The following WAPL variants were observed in gnomAD, a reference collection of about 807,000 sequenced individuals.
The protein encoded by WAPL is WAPL cohesin release factor, also known as wings apart-like protein homolog.
Under a neutral mutation model 121.0 loss-of-function variants are expected in WAPL, and 5 were observed. The observed-to-expected ratio is 0.04, with a 90% CI of 0.02 to 0.09. WAPL has a LOEUF of 0.09. Among genes scored for constraint, WAPL ranks in the 10% least tolerant of loss-of-function variants. The probability of loss-of-function intolerance (pLI) is 1.00; values close to 1 mark genes in which losing one functional copy is unlikely to be tolerated. For synonymous variants in WAPL, 480 were observed against 481.5 expected (o/e 1.00, Z 0.04); for missense variants, 999 against 1,410.8 (o/e 0.71, Z 4.68).
chr10:86,483,931 C>T (rs1589521832), intron 4 of WAPL, among the ~76,000 whole-genome samples: 2 of 151,132 alleles, frequency 1.3e-5, no homozygotes, highest in Non-Finnish European at 2.9e-5. Context: ...GTTGGCCAGA[C>T]TGGCCTCAAA....
intron 4 of WAPL, among the ~76,000 whole-genome samples, chr10:86,483,518 T>C (rs1045367299): frequency 6.6e-6 from 1 of 152,182 alleles, no homozygotes; most frequent in Non-Finnish European, 1.5e-5. Context: ...TTTATGTATT[T>C]ACTATATTTT....
In WAPL at chr10:86,440,731, G is replaced by A. The variant is rs184885968; in HGVS notation, c.3411+2544C>T. Among the ~76,000 whole-genome samples the A allele has an allele frequency of 1.9e-4, 29 of 152,196 alleles. No homozygotes were observed. The East Asian group carries it at 4.2e-3, about 22-fold the overall frequency. On this transcript the variant is annotated intron_variant, in intron 17 of 18. Coordinates refer to ENST00000298767, the MANE Select transcript of WAPL (RefSeq NM_015045.5). Reference sequence around the variant, plus strand: ...GATCTTGCGGGGCCTCCAGAGCCACGATGAGAACTTTGGTCTTGATCCTGA... The same window carrying A: ...GATCTTGCGGGGCCTCCAGAGCCACAATGAGAACTTTGGTCTTGATCCTGA...
chr10:86,447,331 T>C (rs999232261), intron 15 of WAPL, among the ~76,000 whole-genome samples: 2 of 152,248 alleles, frequency 1.3e-5, no homozygotes, highest in African/African-American at 4.8e-5. Context: ...AAGAGAATGA[T>C]GGACTCCTAC....
chr10:86,453,507 T>C, intron 13 of WAPL, 149 bp downstream of exon 13: 1 of 1,203,562 alleles, frequency 8.3e-7, no homozygotes, highest in African/African-American at 1.5e-5. Context: ...TATCAACTCT[T>C]AAAAGCAATT....
intron 4 of WAPL, among the ~76,000 whole-genome samples, chr10:86,489,716 AAAACTGTG>A (rs1227043861): frequency 6.6e-6 from 1 of 152,130 alleles, no homozygotes; most frequent in East Asian, 1.9e-4. Flanking sequence ...CTCAGGCTGA[AAAACTGTG>A]ATAGAACAGG....
intron 2 of WAPL, among the ~76,000 whole-genome samples, chr10:86,507,247 A>G (rs1382354190): frequency 6.6e-6 from 1 of 150,648 alleles, no homozygotes; most frequent in African/African-American, 2.4e-5. Context: ...AGGCGCCTAT[A>G]ATCCCAGCTA....
chr10:86,478,798 T>C lies in WAPL; in HGVS notation c.1645-4825A>G, dbSNP rs550154049. Among the ~76,000 whole-genome samples the C allele has an allele frequency of 3.3e-5, 5 of 152,196 alleles. No individual in the cohort carries two copies. The East Asian group carries it at 9.7e-4, about 29-fold the overall frequency. ...AGACTGGATTACTGAATCACAACTA[T>C]AAACCAGAGGAAAAGGCCGGGCGTG... On this transcript the variant is annotated intron_variant, in intron 4 of 18. Transcript: ENST00000298767.
intron 2 of WAPL, among the ~76,000 whole-genome samples, chr10:86,513,380 G>A (rs1356072227): frequency 6.6e-6 from 1 of 152,124 alleles, no homozygotes; most frequent in Non-Finnish European, 1.5e-5. Flanking sequence ...TGTCACCCAG[G>A]CTGGAGTGCG....
At chr10:86,484,621 A>G (rs1242238139) in intron 4 of WAPL, among the ~76,000 whole-genome samples, 1 of 152,226 alleles carries the variant, frequency 6.6e-6, no homozygotes, top group Non-Finnish European at 1.5e-5. Context: ...GTAGTGTCCT[A>G]AGCTTTCACA....
Position 86,500,692 on chromosome 10 carries a change from T to C in WAPL, c.551A>G (p.His184Arg), listed in dbSNP as rs748722304. The C allele has an allele frequency of 6.3e-7, 1 of 1,596,102 alleles. No individual in the cohort carries two copies. The highest frequency in any genetic ancestry group is 1.8e-5 in the Admixed American group (1 of 54,672). Residue 184 changes from histidine to arginine, a missense_variant, in exon 3 of 19, where the codon CAC becomes CGC. Transcript: ENST00000298767. ...EEHEKNSHHI[H>R]KNADDSTKKP... The stretch of plus-strand genomic sequence containing the variant: ...CTTAGTACTGTCATCAGCATTTTTG[T>C]GAATATGGTGACTATTCTTTTCATG...
chr10:86,458,901 C>A, intron 12 of WAPL, 88 bp downstream of exon 12: 1 of 1,056,328 alleles, frequency 9.5e-7, no homozygotes. Flanking sequence ...ATGGAGGAAG[C>A]TAATCCAAAT....
At chr10:86,504,459 G>A (rs985895752) in intron 2 of WAPL, among the ~76,000 whole-genome samples, 2 of 147,516 alleles carry the variant, frequency 1.4e-5, no homozygotes, top group African/African-American at 5.0e-5. Context: ...GGCAGATCAC[G>A]AGGTCAGGAG....
At chr10:86,471,601 A>G (rs527780308) in intron 7 of WAPL, among the ~76,000 whole-genome samples, 75 of 151,374 alleles carry the variant, frequency 5.0e-4, no homozygotes, top group Admixed American at 8.6e-4. Context: ...TCAGAGGTAA[A>G]AAGAACTTAA....
At chr10:86,459,090 T>C (rs372610381) in intron 11 of WAPL, 25 bp from the exon 12 acceptor site, 58 of 1,582,634 alleles carry the variant, frequency 3.7e-5, no homozygotes, top group Middle Eastern at 1.7e-4. Flanking sequence ...TATGAAATAA[T>C]TGTGGCAATC....
intron 12 of WAPL, among the ~76,000 whole-genome samples, chr10:86,456,528 A>C (rs1841150883): frequency 6.6e-6 from 1 of 152,216 alleles, no homozygotes; most frequent in South Asian, 2.1e-4. Flanking sequence ...TAAGTTTAAT[A>C]CAAATCAAGT....
chr10:86,461,237 T>G lies in WAPL; in HGVS notation c.2421A>C (p.Ala807=), dbSNP rs193047101. 4 of 1,613,860 alleles carry G rather than the reference T, an allele frequency of 2.5e-6. No individual in the cohort carries two copies. The African/African-American group carries it at 5.3e-5, about 22-fold the overall frequency. Residue 807 remains alanine (A), a synonymous_variant, in exon 10 of 19, where the codon GCA becomes GCC. Transcript: ENST00000298767. ...GGAGTTCTTCTTTAAACCAGTCTCC[T>G]GCTCGTTTAGAAGTAAGGGATAATA... The part of the protein sequence containing the change: ...ETLLSLTSKR[A]GDWFKEELRL...
intron 2 of WAPL, among the ~76,000 whole-genome samples, chr10:86,501,539 C>G (rs1028467096): frequency 3.3e-5 from 5 of 152,146 alleles, no homozygotes; most frequent in African/African-American, 1.2e-4. Flanking sequence ...ATACCCTATG[C>G]CAAACAATAA....
At chr10:86,518,823 A>G (rs540513097) in intron 1 of WAPL, among the ~76,000 whole-genome samples, 3 of 152,322 alleles carry the variant, frequency 2.0e-5, no homozygotes, top group South Asian at 4.1e-4. Flanking sequence ...GCTTTTTCTC[A>G]TGTTTTACAA....
chr10:86,492,279 A>C (rs1002828150), intron 4 of WAPL, among the ~76,000 whole-genome samples: 3 of 152,218 alleles, frequency 2.0e-5, no homozygotes, highest in Non-Finnish European at 4.4e-5. Flanking sequence ...TCCAGCTATT[A>C]AATGTGTAAG....
Sources: allele counts gnomAD v4.1 joint callset (sites outside exome capture counted in the v4.1 genomes callset), GRCh38; gene constraint gnomAD v4.1.1; transcripts MANE v1.5; gene names NCBI Gene and HGNC (gene_info 2026-07-23, HGNC 2026-07-21).